DAPL1: variants seen among roughly 807,000 people sequenced by gnomAD.
The protein encoded by DAPL1 is death-associated protein-like 1.
In DAPL1, 17 loss-of-function variants were observed where a neutral mutation model predicts 12.9. That is an observed-to-expected ratio of 1.32 (90% confidence interval 0.90 to 1.98). The LOEUF (loss-of-function observed/expected upper bound fraction) is 1.98, where lower values mean the gene tolerates loss of function less well. Among genes scored for constraint, DAPL1 ranks in the 30% most tolerant of loss-of-function variants. The pLI is 0.00. For missense variants in DAPL1, 157 were observed against 125.7 expected (o/e 1.25, Z -1.19); for synonymous variants, 51 against 42.0 (o/e 1.21, Z -0.82).
intron 3 of DAPL1, among the ~76,000 whole-genome samples, chr2:158,813,793 G>T (rs536774404): frequency 1.3e-5 from 2 of 152,214 alleles, no homozygotes; most frequent in African/African-American, 4.8e-5. Flanking sequence ...CTGACCTCAT[G>T]ATCCGCCCGC....
At chr2:158,796,850 T>A (rs1305726065) in intron 1 of DAPL1, among the ~76,000 whole-genome samples, 1 of 152,206 alleles carries the variant, frequency 6.6e-6, no homozygotes, top group East Asian at 1.9e-4. Flanking sequence ...CATGTCACAA[T>A]GCCTCTGGCA....
At chr2:158,800,344 A>AGG (rs1234251166) in intron 1 of DAPL1, among the ~76,000 whole-genome samples, 1 of 152,214 alleles carries the variant, frequency 6.6e-6, no homozygotes, top group Non-Finnish European at 1.5e-5. Flanking sequence ...GAATAAGACA[A>AGG]GCTGTTACAA....
intron 3 of DAPL1, among the ~76,000 whole-genome samples, chr2:158,811,197 A>T (rs748888123): frequency 6.6e-6 from 1 of 152,176 alleles, no homozygotes; most frequent in Admixed American, 6.5e-5. Flanking sequence ...AGCCAGTGAG[A>T]TGTATGTGAA....
intron 3 of DAPL1, among the ~76,000 whole-genome samples, chr2:158,812,534 C>G (rs1276692025): frequency 6.6e-6 from 1 of 152,190 alleles, no homozygotes; most frequent in African/African-American, 2.4e-5. Flanking sequence ...TGGCTCATAA[C>G]TAGAATCCTA....
chr2:158,810,505 C>G (rs1000326223), intron 3 of DAPL1, among the ~76,000 whole-genome samples: 6 of 152,334 alleles, frequency 3.9e-5, no homozygotes, highest in Admixed American at 3.9e-4. Flanking sequence ...GGAAAATTCT[C>G]TCTGTATGCT....
chr2:158,800,657 G>A (rs536245369), intron 1 of DAPL1, among the ~76,000 whole-genome samples: 1 of 152,100 alleles, frequency 6.6e-6, no homozygotes, highest in Admixed American at 6.5e-5. Context: ...CCTCATGACA[G>A]CCCTTCAGAT....
At chr2:158,799,668 G>GT (rs1264510927) in intron 1 of DAPL1, among the ~76,000 whole-genome samples, 1 of 152,070 alleles carries the variant, frequency 6.6e-6, no homozygotes, top group Non-Finnish European at 1.5e-5. Context: ...TCTTTCTACT[G>GT]TACATAGATG....
chr2:158,804,254 T>A (rs775153785), intron 1 of DAPL1, 28 bp from the exon 2 acceptor site: 1 of 1,522,930 alleles, frequency 6.6e-7, no homozygotes, highest in South Asian at 1.2e-5. Flanking sequence ...CTGTTCTAAC[T>A]TCCATGCTGA....
rs558240354 is a variant in DAPL1 at position 158,808,650 on chromosome 2, C to T, written c.207+1535C>T. The stretch of plus-strand genomic sequence containing the variant: ...GGTGAAGTCATAAGTGACTCTCTGC[C>T]TTCCTGGCTTCAGAGGCAGGGCTGG... On this transcript the variant is annotated intron_variant, in intron 3 of 3. Transcript: ENST00000309950. Among the ~76,000 whole-genome samples, 6 of 152,312 alleles carry T rather than the reference C, an allele frequency of 3.9e-5. No individual in the cohort carries two copies. In the South Asian group the frequency reaches 1.2e-3, roughly 32 times the overall value.
At chr2:158,807,406 T>G (rs2059208759) in intron 3 of DAPL1, among the ~76,000 whole-genome samples, 2 of 152,222 alleles carry the variant, frequency 1.3e-5, no homozygotes, top group Admixed American at 6.5e-5. Context: ...AAATATTTCT[T>G]GGAAACATTG....
rs79135131 is a variant in DAPL1, at chr2:158,815,882, A to C, written c.*61A>C. 1.1e-5 allele frequency: 14 copies of C among 1,219,626 alleles called. No individual in the cohort carries two copies. The East Asian group carries it at 3.0e-4, about 26-fold the overall frequency. 75.6% of individuals were successfully genotyped at this position (1,219,626 alleles called of 1,614,324 possible). ...CTCGAATATCTGACAGCTTAGCAAA[A>C]AGGGCCAAAGCTTTCCATAGGCGTG... On this transcript the variant is annotated 3_prime_UTR_variant, in exon 4 of 4. Transcript: ENST00000309950.
At chr2:158,815,619 A>G in intron 3 of DAPL1, 86 bp from the exon 4 acceptor site, 1 of 838,268 alleles carries the variant, frequency 1.2e-6, no homozygotes, top group Non-Finnish European at 2.0e-6. Context: ...GATTCCCTTG[A>G]TCAACGATAT....
At position 158,798,106 on chromosome 2, in the gene DAPL1, G is replaced by A. The variant is rs72995148; in HGVS notation, c.58+2676G>A. Among the ~76,000 whole-genome samples the A allele has an allele frequency of 7.5e-3, 1,139 of 152,300 alleles. 11 individuals carry two copies. Among genetic ancestry groups the A allele is most frequent in the African/African-American group, 0.026 (1,090 of 41,558 alleles). On this transcript the variant is annotated intron_variant, in intron 1 of 3. Transcript: ENST00000309950. ...CAGGAAGCCAGATATATGATGAATA[G>A]AAAGAAGAGCAGTGGTTCATGACTT...
chr2:158,807,076 A>T lies in DAPL1; in HGVS notation c.168A>T (p.Lys56Asn). The change falls in exon 3 of 4, where the codon AAA (lysine) becomes AAT (asparagine). Residue 56 changes from lysine (K) to asparagine (N), a missense_variant. Transcript: ENST00000309950. The stretch of plus-strand genomic sequence containing the variant: ...ACAGTGCCATTGCAAATGTTGCCAA[A>T]ATACAGACACTGGATGCCCTGAATG... ...EKTSAIANVAKIQTLDALNDA... is the reference protein window; with the variant it reads ...EKTSAIANVANIQTLDALNDA... 1 of 1,612,594 alleles carries T rather than the reference A, an allele frequency of 6.2e-7. No homozygotes were observed. Among genetic ancestry groups the T allele is most frequent in the Non-Finnish European group, 8.5e-7 (1 of 1,179,016 alleles).
chr2:158,800,347 T>C (rs2059160509), intron 1 of DAPL1, among the ~76,000 whole-genome samples: 1 of 152,212 alleles, frequency 6.6e-6, no homozygotes, highest in Admixed American at 6.5e-5. Flanking sequence ...TAAGACAAGC[T>C]GTTACAAGTA....
intron 2 of DAPL1, among the ~76,000 whole-genome samples, chr2:158,806,039 T>A (rs981918615): frequency 6.7e-6 from 1 of 148,256 alleles, no homozygotes; most frequent in East Asian, 1.9e-4. Flanking sequence ...TCCACATATA[T>A]CCCCCTCTGC....
intron 3 of DAPL1, among the ~76,000 whole-genome samples, chr2:158,813,710 C>G (rs2059244614): frequency 6.6e-6 from 1 of 152,136 alleles, no homozygotes; most frequent in Non-Finnish European, 1.5e-5. Context: ...CGCTCGCCAC[C>G]ATGCCCGGCT....
intron 3 of DAPL1, among the ~76,000 whole-genome samples, chr2:158,812,154 C>A (rs1239766995): frequency 1.3e-5 from 2 of 152,154 alleles, no homozygotes; most frequent in African/African-American, 4.8e-5. Context: ...CTCTGGGCAC[C>A]CCAAAAGCTG....
chr2:158,811,729 A>G (rs71421093), intron 3 of DAPL1, among the ~76,000 whole-genome samples: 7,423 of 152,240 alleles, frequency 0.049, 243 homozygotes, highest in South Asian at 0.11. Context: ...GGGTTACCCT[A>G]GATTCTCTTA....
Sources: gnomAD v4.1 joint callset for allele counts (sites outside exome capture counted in the v4.1 genomes callset) on GRCh38, gnomAD v4.1.1 for gene constraint, MANE v1.5 for transcripts, NCBI Gene and HGNC (gene_info 2026-07-23, HGNC 2026-07-21) for gene names.